The following GNG3 variants were observed in gnomAD, a reference collection of about 807,000 sequenced individuals.
GNG3 encodes guanine nucleotide-binding protein G(I)/G(S)/G(O) subunit gamma-3.
Under a neutral mutation model 5.6 loss-of-function variants are expected in GNG3, and 4 were observed. That is an observed-to-expected ratio of 0.71 (90% confidence interval 0.35 to 1.63). GNG3 has a LOEUF of 1.63. Ranked by LOEUF, GNG3 falls within the 40% of genes most tolerant of loss-of-function variation. The pLI is 0.05. For missense variants in GNG3, 62 were observed against 96.6 expected, an observed-to-expected ratio of 0.64 and a Z score of 1.50; for synonymous variants, 30 against 33.5, an observed-to-expected ratio of 0.89 and a Z score of 0.36.
At chr11:62,707,468 C>T (rs1235198413), upstream of GNG3, 7 of 678,728 alleles carry the variant, frequency 1.0e-5, no homozygotes, top group East Asian at 2.7e-5. Flanking sequence ...CTGCAGGGGC[C>T]GTCATAGGCC....
upstream of GNG3, chr11:62,707,205 G>T: frequency 3.2e-6 from 5 of 1,552,170 alleles, no homozygotes; most frequent in Non-Finnish European, 3.5e-6. Context: ...TCTTCCTGAC[G>T]AGCCTCTGTT....
In GNG3 at chr11:62,708,777, G is replaced by T; in HGVS notation, c.199G>T (p.Glu67Ter). The change falls in exon 3 of 3, where the codon GAG becomes TAG. Residue 67 changes from glutamate to a stop codon, truncating the protein, a stop_gained. Transcript: ENST00000294117. LOFTEE classifies it high-confidence loss of function. Reference sequence around the variant, plus strand: ...GCCCACTTCGGAGAACCCCTTCCGGGAGAAGAAGTTCTTCTGTGCTCTCCT... The same window carrying T: ...GCCCACTTCGGAGAACCCCTTCCGGTAGAAGAAGTTCTTCTGTGCTCTCCT... ...PVPTSENPFREKKFFCALL is the reference protein window; with the variant it reads ...PVPTSENPFR 1 of 1,614,014 alleles carries T rather than the reference G, an allele frequency of 6.2e-7. No individual in the cohort carries two copies. Among genetic ancestry groups the T allele is most frequent in the Non-Finnish European group, 8.5e-7 (1 of 1,179,950 alleles).
upstream of GNG3, chr11:62,706,969 T>C (rs1408377651): frequency 9.4e-6 from 7 of 746,740 alleles, no homozygotes; most frequent in African/African-American, 1.2e-4. Context: ...GTGTACATCT[T>C]TGCACACTGC....
At chr11:62,708,076 G>T in intron 1 of GNG3, 161 bp downstream of exon 1, 1 of 587,328 alleles carries the variant, frequency 1.7e-6, no homozygotes, top group Non-Finnish European at 3.1e-6. Flanking sequence ...AATGATCTGT[G>T]GCCCAGGCCA....
chr11:62,708,698 C>T lies in GNG3; in HGVS notation c.120C>T (p.Asp40=), dbSNP rs776136195. 2 of 1,613,510 alleles carry T rather than the reference C, an allele frequency of 1.2e-6. No individual in the cohort carries two copies. Among genetic ancestry groups the T allele is most frequent in the Admixed American group, 1.7e-5 (1 of 60,014 alleles). The change falls in exon 3 of 3, where the codon GAC becomes GAT. Residue 40 remains aspartate (D), a synonymous_variant. Transcript: ENST00000294117. ...CRIKVSKAAA[D]LMTYCDAHAC... is the part of the protein sequence containing the mutation. ...CCCAGGTGTCCAAGGCAGCAGCAGACCTGATGACTTACTGTGATGCCCACG... is the reference window on the plus strand; with the variant it reads ...CCCAGGTGTCCAAGGCAGCAGCAGATCTGATGACTTACTGTGATGCCCACG...
upstream of GNG3, chr11:62,707,438 C>T (rs2083560843): frequency 1.4e-6 from 1 of 697,342 alleles, no homozygotes; most frequent in Non-Finnish European, 2.6e-6. Context: ...CAGGGTCCCC[C>T]GCAGCCAGTA....
rs2083588697 is a variant in GNG3, at chr11:62,709,014, G to A, written c.*208G>A. On this transcript the variant is annotated 3_prime_UTR_variant, in exon 3 of 3. Transcript: ENST00000294117. ...TTTGTGGCCGACCCCAAGCACCCCA[G>A]AGATATGAGGCACCCTTTGCTCCAC... The A allele has an allele frequency of 8.9e-6, 5 of 561,352 alleles. No individual in the cohort carries two copies. Among genetic ancestry groups the A allele is most frequent in the Admixed American group, 2.9e-5 (1 of 34,194 alleles). The allele number at this position is 561,352 out of a possible 1,614,324, so 34.8% of individuals were successfully genotyped here. A position where few individuals can be genotyped will look rare whatever the true frequency, so the allele number is the denominator to read the frequency against.
rs1370629199 is a variant in GNG3 at position 62,709,176 on chromosome 11, G to A, written c.*370G>A. ...AGCTACTGGGAGGGTAAAGCCATTT[G>A]AAGAATAAAGTCATCCAGAGCCTCA... On this transcript the variant is annotated 3_prime_UTR_variant, in exon 3 of 3. Coordinates refer to ENST00000294117, the MANE Select transcript of GNG3 (RefSeq NM_012202.5). 6.5e-6 allele frequency: 3 copies of A among 461,872 alleles called. No homozygotes were observed. The highest frequency in any genetic ancestry group is 4.6e-5 in the South Asian group (3 of 64,530). 28.6% of individuals were successfully genotyped at this position (461,872 alleles called of 1,614,324 possible). A position where few individuals can be genotyped will look rare whatever the true frequency, so the allele number is the denominator to read the frequency against.
chr11:62,707,255 T>A, upstream of GNG3: 1 of 1,434,516 alleles, frequency 7.0e-7, no homozygotes, highest in Non-Finnish European at 9.6e-7. Context: ...GGCTAAAACG[T>A]GAAGTGGCGA....
At position 62,709,013 on chromosome 11, in the gene GNG3, A is replaced by C. The variant is rs2083588670; in HGVS notation, c.*207A>C. 1.8e-6 allele frequency: 1 copy of C among 562,556 alleles called. No individual in the cohort carries two copies. The allele number at this position is 562,556 out of a possible 1,614,324, so 34.8% of individuals were successfully genotyped here. Reference sequence around the variant, plus strand: ...CTTTGTGGCCGACCCCAAGCACCCCAGAGATATGAGGCACCCTTTGCTCCA... The same window carrying C: ...CTTTGTGGCCGACCCCAAGCACCCCCGAGATATGAGGCACCCTTTGCTCCA... On this transcript the variant is annotated 3_prime_UTR_variant, in exon 3 of 3. Transcript: ENST00000294117.
chr11:62,708,485 C>T, intron 2 of GNG3, 91 bp downstream of exon 2: 1 of 1,226,472 alleles, frequency 8.2e-7, no homozygotes, highest in Non-Finnish European at 1.2e-6. Context: ...GCGTTCTTTC[C>T]TTCACTCCCT....
rs1213818343 is a variant in GNG3, at chr11:62,707,760, C to T, written c.-157C>T. The T allele has an allele frequency of 3.6e-6, 1 of 277,958 alleles. No individual in the cohort carries two copies. The highest frequency in any genetic ancestry group is 7.0e-6 in the Non-Finnish European group (1 of 142,466). 17.2% of individuals were successfully genotyped at this position (277,958 alleles called of 1,614,324 possible). On this transcript the variant is annotated 5_prime_UTR_variant, in exon 1 of 3. Transcript: ENST00000294117. The stretch of plus-strand genomic sequence containing the variant: ...ACTGAGACCAGACCTCTGGCCTGGC[C>T]CTCCCCAGGGGCCTCCTTTCGTATA...
At chr11:62,707,166 C>T, upstream of GNG3, 1 of 1,554,254 alleles carries the variant, frequency 6.4e-7, no homozygotes, top group Non-Finnish European at 8.7e-7. Context: ...CCCCAGCTTC[C>T]TCCTTTTGGT....
chr11:62,707,675 C>A (rs1234450621), upstream of GNG3: 4 of 410,636 alleles, frequency 9.7e-6, no homozygotes, highest in Middle Eastern at 7.4e-4. Flanking sequence ...CTGAGCAGCT[C>A]CTTCTAGCAT....
At chr11:62,707,447 TAC>T, upstream of GNG3, 1 of 693,606 alleles carries the variant, frequency 1.4e-6, no homozygotes, top group Admixed American at 2.0e-5. Context: ...CCGCAGCCAG[TAC>T]AGACTCCACT....
chr11:62,707,189 T>C (rs754277392), upstream of GNG3: 2 of 1,552,976 alleles, frequency 1.3e-6, no homozygotes, highest in South Asian at 1.2e-5. Context: ...ACCTTTTCTG[T>C]AGACATCTTC....
chr11:62,706,656 G>A (rs1006983572), upstream of GNG3: 2 of 475,236 alleles, frequency 4.2e-6, no homozygotes, highest in Non-Finnish European at 8.7e-6. Flanking sequence ...CGAGTGAGGC[G>A]GTCATCCAGC....
chr11:62,708,268 GCT>G, intron 1 of GNG3, 25 bp from the exon 2 acceptor site: 1 of 1,433,414 alleles, frequency 7.0e-7, no homozygotes, highest in Non-Finnish European at 9.9e-7. Flanking sequence ...CTGAGACTGT[GCT>G]CTGAGAGGTC....
chr11:62,707,666 T>G, upstream of GNG3: 1 of 428,800 alleles, frequency 2.3e-6, no homozygotes, highest in Non-Finnish European at 4.4e-6. Flanking sequence ...CTCCAGGATC[T>G]GAGCAGCTCC....
Sources: gnomAD v4.1 joint callset for allele counts on GRCh38, gnomAD v4.1.1 for gene constraint, MANE v1.5 for transcripts, NCBI Gene and HGNC (gene_info 2026-07-23, HGNC 2026-07-21) for gene names.